The following ACER3 variants were observed in gnomAD, a reference collection of about 807,000 sequenced individuals.
The protein encoded by ACER3 is alkaline ceramidase 3, also known as alkCDase 3.
In ACER3, 16 loss-of-function variants were observed where a neutral mutation model predicts 48.9. That is an observed-to-expected ratio of 0.33 (90% CI 0.22 to 0.50). ACER3 has a LOEUF of 0.50. Among genes scored for constraint, ACER3 ranks in the 20% least tolerant of loss-of-function variants. The pLI is 0.98. For missense variants in ACER3, 227 were observed against 326.0 expected (o/e 0.70, Z 2.34); for synonymous variants, 109 against 107.8 (o/e 1.01, Z -0.07).
At chr11:76,895,566 A>G (rs1945907174) in intron 1 of ACER3, among the ~76,000 whole-genome samples, 1 of 152,224 alleles carries the variant, frequency 6.6e-6, no homozygotes, top group Non-Finnish European at 1.5e-5. Flanking sequence ...TCTGATGCTT[A>G]CTGTATACAT....
intron 1 of ACER3, among the ~76,000 whole-genome samples, chr11:76,905,820 G>A (rs1946215692): frequency 6.6e-6 from 1 of 152,136 alleles, no homozygotes; most frequent in Non-Finnish European, 1.5e-5. Flanking sequence ...TTTGCAAAAT[G>A]ATATTTACAC....
chr11:76,929,290 G>A (rs529481944), intron 2 of ACER3, among the ~76,000 whole-genome samples: 1 of 152,304 alleles, frequency 6.6e-6, no homozygotes, highest in East Asian at 1.9e-4. Context: ...AAGAATGCTT[G>A]TGATTTTTGC....
chr11:76,930,560 G>C lies in ACER3; in HGVS notation c.214+3893G>C, dbSNP rs867551525. 3.3e-5 allele frequency among the ~76,000 whole-genome samples: 5 copies of C among 151,824 alleles called. No homozygotes were observed. In the East Asian group the frequency reaches 9.7e-4, roughly 29 times the overall value. ...CTAGTTCTTTTAATTGTGATGTTAG[G>C]GTGTCAGTTTTAGATCTTTCCTGCT... On this transcript the variant is annotated intron_variant, in intron 2 of 10. Transcript: ENST00000532485.
At position 76,861,040 on chromosome 11, in the gene ACER3, G is replaced by A. The variant is rs1205424696; in HGVS notation, c.64G>A (p.Glu22Lys). ...GPTTSTLDWC[E>K]ENYSVTWYIA... is the part of the protein sequence containing the mutation. ...CACGACCTCCACGCTGGACTGGTGC[G>A]AGGAGAACTACTCCGTGACCTGGTA... is the stretch of plus-strand genomic sequence containing the variant. The change falls in exon 1 of 11, where the codon GAG becomes AAG. Residue 22 changes from glutamate (E) to lysine (K), a missense_variant. Around this residue, in one of 3 missense-constraint regions of ACER3, gnomAD observed 195 missense variants for 290.8 expected, o/e 0.67. Transcript: ENST00000532485. 6.5e-7 allele frequency: 1 copy of A among 1,548,390 alleles called. No homozygotes were observed. Among genetic ancestry groups the A allele is most frequent in the African/African-American group, 1.4e-5 (1 of 72,930 alleles).
chr11:77,015,873 C>T (rs1949356003), intron 8 of ACER3, among the ~76,000 whole-genome samples: 1 of 151,994 alleles, frequency 6.6e-6, no homozygotes, highest in African/African-American at 2.4e-5. Context: ...TCTGGGAGGC[C>T]GAGGGGGCGG....
At chr11:76,989,956 T>G (rs1028369159) in intron 5 of ACER3, among the ~76,000 whole-genome samples, 3 of 152,176 alleles carry the variant, frequency 2.0e-5, no homozygotes, top group Non-Finnish European at 2.9e-5. Flanking sequence ...AGTTAGAGAT[T>G]TCTGGAAGCA....
Position 76,959,007 on chromosome 11 carries a change from C to T in ACER3, c.243C>T (p.His81=), listed in dbSNP as rs774489309. ...TVVGMGSWCF[H]MTLKYEMQLL... is the part of the protein sequence containing the mutation. ...TAGGAATGGGATCCTGGTGCTTCCA[C>T]ATGACTCTGAAATATGAAATGCAGG... Residue 81 remains histidine, a synonymous_variant, in exon 3 of 11, where the codon CAC becomes CAT. Coordinates refer to ENST00000532485, the MANE Select transcript of ACER3 (RefSeq NM_018367.7). 6.2e-7 allele frequency: 1 copy of T among 1,614,030 alleles called. No individual in the cohort carries two copies. The highest frequency in any genetic ancestry group is 1.1e-5 in the South Asian group (1 of 91,086).
chr11:76,924,522 A>G (rs1046318843), intron 1 of ACER3, among the ~76,000 whole-genome samples: 10 of 151,290 alleles, frequency 6.6e-5, no homozygotes, highest in Non-Finnish European at 1.3e-4. Flanking sequence ...TTTTTTTATT[A>G]TTATTAATTT....
intron 2 of ACER3, among the ~76,000 whole-genome samples, chr11:76,947,218 A>T (rs1239099694): frequency 6.6e-6 from 1 of 152,158 alleles, no homozygotes; most frequent in Admixed American, 6.5e-5. Flanking sequence ...ATTCTTAGGT[A>T]CTGGCAATGA....
intron 2 of ACER3, among the ~76,000 whole-genome samples, chr11:76,957,949 AATTTTATT>A (rs897608324): frequency 1.5e-5 from 2 of 135,754 alleles, no homozygotes; most frequent in African/African-American, 5.1e-5. Context: ...TTTATTTTTT[AATTTTATT>A]ATTATTATCT....
At chr11:76,952,265 T>TC (rs2134993632) in intron 2 of ACER3, among the ~76,000 whole-genome samples, 1 of 149,836 alleles carries the variant, frequency 6.7e-6, no homozygotes, top group African/African-American at 2.4e-5. Context: ...TTTCTTTCTT[T>TC]TTTTTTTTTT....
chr11:77,011,270 T>G lies in ACER3; in HGVS notation c.498-3746T>G, dbSNP rs1358553613. The G allele has an allele frequency of 5.4e-6, 5 of 932,544 alleles. No individual in the cohort carries two copies. The African/African-American group carries it at 8.9e-5, about 17-fold the overall frequency. The allele number at this position is 932,544 out of a possible 1,614,324, so 57.8% of individuals were successfully genotyped here. ...TTGCATGGACCATGTGCTGATGTTC[T>G]TGCTCTCCCCTTCCCGCCCTGCTAC... On this transcript the variant is annotated intron_variant, in intron 7 of 10. Transcript: ENST00000532485.
intron 7 of ACER3, among the ~76,000 whole-genome samples, chr11:77,005,438 G>A (rs1949115150): frequency 6.6e-6 from 1 of 152,006 alleles, no homozygotes; most frequent in African/African-American, 2.4e-5. Context: ...TCCCTTTCAT[G>A]GGTCTGTATT....
chr11:76,862,016 A>G (rs908977785), intron 1 of ACER3, among the ~76,000 whole-genome samples: 12 of 152,288 alleles, frequency 7.9e-5, no homozygotes, highest in African/African-American at 1.9e-4. Context: ...TTCTTTTTCT[A>G]TCATTTAATC....
intron 1 of ACER3, among the ~76,000 whole-genome samples, chr11:76,912,238 G>A (rs7118762): frequency 0.59 from 90,193 of 151,940 alleles, 28,983 homozygotes; most frequent in Non-Finnish European, 0.73. Flanking sequence ...AGTGAGGAAT[G>A]CCAAAGATTG....
At chr11:76,904,981 A>G (rs1838717391) in intron 1 of ACER3, among the ~76,000 whole-genome samples, 2 of 152,152 alleles carry the variant, frequency 1.3e-5, no homozygotes, top group African/African-American at 2.4e-5. Flanking sequence ...CCTGCCGGGT[A>G]GCTGGCATTG....
At chr11:76,959,146 T>C in intron 3 of ACER3, 115 bp downstream of exon 3, 8 of 1,562,366 alleles carry the variant, frequency 5.1e-6, no homozygotes, top group Non-Finnish European at 6.9e-6. Flanking sequence ...CTCTGGAGTT[T>C]TTTACTTCAA....
intron 1 of ACER3, among the ~76,000 whole-genome samples, chr11:76,867,779 G>A (rs1358049048): frequency 2.6e-5 from 4 of 152,158 alleles, no homozygotes; most frequent in African/African-American, 9.7e-5. Flanking sequence ...TCATGGATGG[G>A]AAGAATGGCT....
chr11:76,928,269 G>A (rs1191452974), intron 2 of ACER3, among the ~76,000 whole-genome samples: 1 of 152,162 alleles, frequency 6.6e-6, no homozygotes, highest in African/African-American at 2.4e-5. Flanking sequence ...TTTTTGAGAA[G>A]TGTCTGTTCA....
Sources: gnomAD v4.1 joint callset for allele counts (sites outside exome capture counted in the v4.1 genomes callset) on GRCh38, gnomAD v4.1.1 for gene constraint, gnomAD v4.1.1 regional missense constraint, MANE v1.5 for transcripts, NCBI Gene and HGNC (gene_info 2026-07-23, HGNC 2026-07-21) for gene names.